The following DPYD variants were observed in gnomAD, a reference collection of about 807,000 sequenced individuals.
The protein encoded by DPYD is dihydropyrimidine dehydrogenase [NADP(+)].
A neutral mutation model predicts 116.2 loss-of-function variants in DPYD; 109 were observed. The ratio of observed to expected loss-of-function variants is 0.94; its 90% CI spans 0.80 to 1.10. The LOEUF (loss-of-function observed/expected upper bound fraction) is 1.10, where lower values mean the gene tolerates loss of function less well. DPYD is among the 50% of genes least tolerant of loss of function. DPYD has a pLI of 0.00. For missense variants in DPYD, 1,302 were observed against 1,254.5 expected (o/e 1.04, Z -0.57); for synonymous variants, 440 against 432.0 (o/e 1.02, Z -0.23).
chr1:97,559,521 A>G (rs896745117), intron 11 of DPYD, among the ~76,000 whole-genome samples: 2 of 152,210 alleles, frequency 1.3e-5, no homozygotes, highest in Admixed American at 1.3e-4. Context: ...CATTAGCTGC[A>G]GTATATCTGT....
chr1:97,380,074 G>A (rs1248693651), intron 15 of DPYD, among the ~76,000 whole-genome samples: 4 of 151,992 alleles, frequency 2.6e-5, no homozygotes, highest in South Asian at 2.1e-4. Flanking sequence ...ACTTTTACTC[G>A]GGCTCTATTT....
intron 20 of DPYD, among the ~76,000 whole-genome samples, chr1:97,153,499 C>T (rs1274408085): frequency 6.6e-6 from 1 of 151,996 alleles, no homozygotes; most frequent in Non-Finnish European, 1.5e-5. Context: ...AAAATCAACT[C>T]AAGATGGATC....
chr1:97,554,807 T>C (rs544353321), intron 11 of DPYD, among the ~76,000 whole-genome samples: 1 of 152,236 alleles, frequency 6.6e-6, no homozygotes, highest in Admixed American at 6.5e-5. Flanking sequence ...TGAAGATTCA[T>C]TGTTTTCCTT....
chr1:97,494,682 C>G (rs1263812252), intron 13 of DPYD, among the ~76,000 whole-genome samples: 3 of 151,746 alleles, frequency 2.0e-5, no homozygotes, highest in Admixed American at 1.3e-4. Flanking sequence ...GATCAGGCTA[C>G]AGTGAGCTGT....
chr1:97,486,370 T>C (rs10747483), intron 13 of DPYD, among the ~76,000 whole-genome samples: 92,834 of 151,980 alleles, frequency 0.61, 28,532 homozygotes, highest in East Asian at 0.75. Context: ...AAATAACAGA[T>C]GCACATTTTT....
intron 16 of DPYD, among the ~76,000 whole-genome samples, chr1:97,355,076 AT>A (rs1262299412): frequency 1.3e-5 from 2 of 152,184 alleles, no homozygotes; most frequent in Non-Finnish European, 2.9e-5. Flanking sequence ...TCATTTATGA[AT>A]TTATTATTTT....
At chr1:97,594,860 C>T (rs1654766972) in intron 9 of DPYD, among the ~76,000 whole-genome samples, 199 bp downstream of exon 9, 1 of 151,486 alleles carries the variant, frequency 6.6e-6, no homozygotes, top group Admixed American at 6.6e-5. Flanking sequence ...TACGATGATA[C>T]TTTATTGGAA....
intron 12 of DPYD, chr1:97,547,009 T>G: frequency 6.4e-7 from 1 of 1,551,740 alleles, no homozygotes; most frequent in African/African-American, 1.4e-5. Context: ...TTTGCAATTT[T>G]TTGCTGTTTT....
intron 2 of DPYD, among the ~76,000 whole-genome samples, chr1:97,873,163 T>A (rs1671743051): frequency 6.6e-6 from 1 of 151,842 alleles, no homozygotes; most frequent in Admixed American, 6.6e-5. Context: ...GCAAAAACCG[T>A]TTTGTCCCTT....
At position 97,830,355 on chromosome 1, in the gene DPYD, G is replaced by T. The variant is rs1382880833; in HGVS notation, c.151-2159C>A. On this transcript the variant is annotated intron_variant, in intron 2 of 22. Transcript: ENST00000370192. ...CCTAGCATAAACAGCAGGGTTGGAA[G>T]ATTACTTGACTATCTAGTTTTTCTA... Among the ~76,000 whole-genome samples, 3 of 152,166 alleles carry T rather than the reference G, an allele frequency of 2.0e-5. No homozygotes were observed. The East Asian group carries it at 5.8e-4, about 29-fold the overall frequency.
intron 13 of DPYD, among the ~76,000 whole-genome samples, chr1:97,477,654 C>T (rs1420463838): frequency 6.8e-6 from 1 of 146,592 alleles, no homozygotes; most frequent in African/African-American, 2.6e-5. Flanking sequence ...CGCTCTGTCG[C>T]CCAGGCCGGA....
chr1:97,392,998 ATCCAGACCACTAAAATGTTC>A (rs1557681001), intron 14 of DPYD, among the ~76,000 whole-genome samples: 1 of 152,042 alleles, frequency 6.6e-6, no homozygotes, highest in Admixed American at 6.6e-5. Flanking sequence ...CTAAAATGTT[ATCCAGACCACTAAAATGTTC>A]TCCATACCAG....
intron 19 of DPYD, among the ~76,000 whole-genome samples, chr1:97,227,111 G>C (rs115411609): frequency 6.6e-6 from 1 of 151,900 alleles, no homozygotes; most frequent in Non-Finnish European, 1.5e-5. Flanking sequence ...TGGATCACAA[G>C]GTCAGAAGAT....
intron 12 of DPYD, among the ~76,000 whole-genome samples, chr1:97,532,599 T>C (rs1483552957): frequency 6.6e-6 from 1 of 152,112 alleles, no homozygotes; most frequent in Non-Finnish European, 1.5e-5. Flanking sequence ...TTCTTAATTC[T>C]GTCTTTATAG....
chr1:97,393,875 C>T (rs937858341), intron 14 of DPYD, among the ~76,000 whole-genome samples: 2 of 152,126 alleles, frequency 1.3e-5, no homozygotes, highest in African/African-American at 4.8e-5. Flanking sequence ...ACACTGTCTT[C>T]CACAATGGTT....
chr1:97,334,547 C>T (rs1459443083), intron 16 of DPYD, among the ~76,000 whole-genome samples: 1 of 152,142 alleles, frequency 6.6e-6, no homozygotes, highest in African/African-American at 2.4e-5. Flanking sequence ...CGCTTTCAGG[C>T]TAGGAGCAAA....
In DPYD at chr1:97,098,634, TA is replaced by T; in HGVS notation, c.2623-3del. The T allele has an allele frequency of 6.2e-7, 1 of 1,612,678 alleles. No individual in the cohort carries two copies. The highest frequency in any genetic ancestry group is 8.5e-7 in the Non-Finnish European group (1 of 1,179,254). Reference sequence around the variant, plus strand: ...ATAAGGTCCAAAACTTGGCAGTTTCTAAAAGGAAAACACACAAATAAGGAAG... The same window carrying T: ...ATAAGGTCCAAAACTTGGCAGTTTCTAAAGGAAAACACACAAATAAGGAAG... On this transcript the variant is annotated splice_polypyrimidine_tract_variant and splice_region_variant and intron_variant, in intron 20 of 22. Transcript: ENST00000370192.
At chr1:97,379,015 C>T (rs1671788076) in intron 15 of DPYD, among the ~76,000 whole-genome samples, 2 of 152,182 alleles carry the variant, frequency 1.3e-5, no homozygotes, top group Admixed American at 1.3e-4. Context: ...TTGCAAGTGG[C>T]CCATGCAAGT....
intron 12 of DPYD, chr1:97,546,275 A>C (rs915880533): frequency 1.9e-5 from 23 of 1,195,254 alleles, no homozygotes; most frequent in Non-Finnish European, 2.6e-5. Flanking sequence ...AGAAACCTTT[A>C]AAAAAAAAAA....
Sources: allele counts gnomAD v4.1 joint callset (sites outside exome capture counted in the v4.1 genomes callset), GRCh38; gene constraint gnomAD v4.1.1; transcripts MANE v1.5; gene names NCBI Gene and HGNC (gene_info 2026-07-23, HGNC 2026-07-21).